The following ADIPOR2 variants were observed in gnomAD, a reference collection of about 807,000 sequenced individuals.
ADIPOR2 encodes adiponectin receptor 2.
Under a neutral mutation model 40.9 loss-of-function variants are expected in ADIPOR2, and 18 were observed. The ratio of observed to expected loss-of-function variants is 0.44; its 90% CI spans 0.30 to 0.65. The LOEUF is 0.65. Among genes scored for constraint, ADIPOR2 ranks in the 30% least tolerant of loss-of-function variants. ADIPOR2 has a pLI of 0.09. For synonymous variants in ADIPOR2, 165 were observed against 166.4 expected, an observed-to-expected ratio of 0.99 and a Z score of 0.06; for missense variants, 283 against 479.2, an observed-to-expected ratio of 0.59 and a Z score of 3.82.
intron 1 of ADIPOR2, among the ~76,000 whole-genome samples, chr12:1,738,969 T>C (rs1001315824): frequency 2.0e-5 from 3 of 152,206 alleles, no homozygotes; most frequent in African/African-American, 7.2e-5. Flanking sequence ...CTTGTGTGAG[T>C]CATTATATTC....
rs570513526 is a variant in ADIPOR2 at position 1,727,858 on chromosome 12, T to TA, written c.-86-26385dup. Among the ~76,000 whole-genome samples, 625 of 138,776 alleles carry TA rather than the reference T, an allele frequency of 4.5e-3. 4 individuals carry two copies. The highest frequency in any genetic ancestry group is 0.012 in the African/African-American group (453 of 37,752). 91.0% of individuals were successfully genotyped at this position (138,776 alleles called of 152,430 possible). On this transcript the variant is annotated intron_variant, in intron 1 of 7. Transcript: ENST00000357103. ...TGCCCGTGCACACAGGAACACTGTTTAAAAAAAAAAAAAAAGGATACTGGT... is the reference window on the plus strand; with the variant it reads ...TGCCCGTGCACACAGGAACACTGTTTAAAAAAAAAAAAAAAAGGATACTGGT...
rs752776070 is a variant in ADIPOR2, at chr12:1,785,997, C to T, written c.1086C>T (p.His362=). ...HIFVVAGAFV[H]FHGVSNLQEF... ...TTGTGGTTGCTGGAGCTTTTGTTCACTTCCATGGTGTCTCAAACCTCCAGG... is the reference window on the plus strand; with the variant it reads ...TTGTGGTTGCTGGAGCTTTTGTTCATTTCCATGGTGTCTCAAACCTCCAGG... Residue 362 remains histidine, a synonymous_variant, in exon 8 of 8, where the codon CAC becomes CAT. Transcript: ENST00000357103. 16 of 1,614,086 alleles carry T rather than the reference C, an allele frequency of 9.9e-6. No individual in the cohort carries two copies. The highest frequency in any genetic ancestry group is 1.6e-4 in the Middle Eastern group (1 of 6,084).
rs1245299990 is a variant in ADIPOR2, at chr12:1,777,550, C to T, written c.292-304C>T. Among the ~76,000 whole-genome samples the T allele has an allele frequency of 2.6e-5, 4 of 151,916 alleles. No homozygotes were observed. The East Asian group carries it at 7.7e-4, about 29-fold the overall frequency. On this transcript the variant is annotated intron_variant, in intron 3 of 7. Transcript: ENST00000357103. ...TACAGGCATGTGCCACCACACCCGG[C>T]TAATTTTTTGTATTTTTAGTAGAGA...
chr12:1,764,570 C>CAG (rs1329771008), intron 2 of ADIPOR2, among the ~76,000 whole-genome samples: 1 of 93,838 alleles, frequency 1.1e-5, no homozygotes, highest in Non-Finnish European at 2.3e-5. Context: ...CACACACACA[C>CAG]ACACACACAC....
intron 2 of ADIPOR2, among the ~76,000 whole-genome samples, chr12:1,770,454 A>G (rs939520040): frequency 1.4e-4 from 22 of 152,198 alleles, no homozygotes; most frequent in Admixed American, 1.0e-3. Flanking sequence ...TATCTGAGCT[A>G]TTTTATATAA....
At chr12:1,778,532 C>T (rs2370055) in intron 4 of ADIPOR2, 40,714 of 151,970 alleles carry the variant, frequency 0.27, 6,152 homozygotes, top group Admixed American at 0.45. Context: ...AGAATGATCC[C>T]GAACTCACAT....
chr12:1,691,851 C>A (rs539372654), intron 1 of ADIPOR2, among the ~76,000 whole-genome samples: 139 of 152,178 alleles, frequency 9.1e-4, no homozygotes, highest in African/African-American at 3.3e-3. Flanking sequence ...CTTTTTTCCT[C>A]CTGGCTTTTG....
intron 3 of ADIPOR2, among the ~76,000 whole-genome samples, chr12:1,777,382 C>CTTTTTTTTT (rs59141974): frequency 2.0e-5 from 2 of 98,744 alleles, no homozygotes; most frequent in Non-Finnish European, 2.1e-5. Flanking sequence ...TTTTTTCTTT[C>CTTTTTTTTT]TTTTTTTTTT....
rs568996296 is a variant in ADIPOR2, at chr12:1,723,812, A to G, written c.-86-30446A>G. On this transcript the variant is annotated intron_variant, in intron 1 of 7. Transcript: ENST00000357103. ...AATAGAATTACCCTGTGATCCAGCA[A>G]TTCTACTTCTGGGTATATACTCAAA... 1.4e-4 allele frequency among the ~76,000 whole-genome samples: 22 copies of G among 152,248 alleles called. No homozygotes were observed. In the South Asian group the frequency reaches 3.9e-3, roughly 27 times the overall value.
intron 1 of ADIPOR2, among the ~76,000 whole-genome samples, chr12:1,751,499 G>A (rs553224734): frequency 6.6e-6 from 1 of 151,996 alleles, no homozygotes; most frequent in Non-Finnish European, 1.5e-5. Flanking sequence ...AACTAATGGA[G>A]CTTTTCAGTT....
rs1204281778 is a variant in ADIPOR2 at position 1,750,879 on chromosome 12, A to C, written c.-86-3379A>C. On this transcript the variant is annotated intron_variant, in intron 1 of 7. Coordinates refer to ENST00000357103, the MANE Select transcript of ADIPOR2 (RefSeq NM_024551.3). ...TAGATAAAAGAGTCATATAATCTGC[A>C]AATAGTTACAGTTTACCTTTTTTTC... is the stretch of plus-strand genomic sequence containing the variant. Among the ~76,000 whole-genome samples, 13 of 152,214 alleles carry C rather than the reference A, an allele frequency of 8.5e-5. 1 individual carries two copies. Among genetic ancestry groups the C allele is most frequent in the Admixed American group, 4.6e-4 (7 of 15,276 alleles).
intron 2 of ADIPOR2, chr12:1,760,718 T>G (rs187949709): frequency 6.6e-6 from 1 of 152,360 alleles, no homozygotes; most frequent in African/African-American, 2.4e-5. Flanking sequence ...CTTTCTTATT[T>G]GTGGTTTCAC....
chr12:1,777,053 A>G (rs1003375716), intron 3 of ADIPOR2, among the ~76,000 whole-genome samples: 1 of 152,140 alleles, frequency 6.6e-6, no homozygotes, highest in Non-Finnish European at 1.5e-5. Flanking sequence ...GCCTCATCAT[A>G]TTTGCATAGT....
At chr12:1,727,461 A>G (rs1475344821) in intron 1 of ADIPOR2, among the ~76,000 whole-genome samples, 1 of 152,174 alleles carries the variant, frequency 6.6e-6, no homozygotes, top group Non-Finnish European at 1.5e-5. Context: ...CACTCATTGC[A>G]TGTATAATTA....
chr12:1,698,668 A>G (rs2094644258), intron 1 of ADIPOR2, among the ~76,000 whole-genome samples: 1 of 152,256 alleles, frequency 6.6e-6, no homozygotes, highest in Non-Finnish European at 1.5e-5. Context: ...TTTAGATTAT[A>G]TAAATGGATT....
intron 1 of ADIPOR2, among the ~76,000 whole-genome samples, chr12:1,714,696 G>A (rs761358662): frequency 1.1e-4 from 16 of 152,136 alleles, no homozygotes; most frequent in South Asian, 2.1e-4. Flanking sequence ...TTGCTGACCA[G>A]TAGGGAATTT....
chr12:1,775,982 G>C (rs1478537193), intron 3 of ADIPOR2, among the ~76,000 whole-genome samples: 2 of 152,100 alleles, frequency 1.3e-5, no homozygotes, highest in African/African-American at 4.8e-5. Flanking sequence ...TTATTTTATT[G>C]TATGTTAGAA....
At chr12:1,723,449 A>AC (rs1196376065) in intron 1 of ADIPOR2, among the ~76,000 whole-genome samples, 1 of 139,582 alleles carries the variant, frequency 7.2e-6, no homozygotes, top group Non-Finnish European at 1.5e-5. Flanking sequence ...ACATAGTGAA[A>AC]CCCCGTCTCT....
intron 1 of ADIPOR2, among the ~76,000 whole-genome samples, chr12:1,718,963 A>G (rs1226401346): frequency 1.3e-5 from 2 of 152,242 alleles, no homozygotes; most frequent in Non-Finnish European, 2.9e-5. Flanking sequence ...ATTTTAAGGA[A>G]ATAAACTGCT....
Sources: gnomAD v4.1 joint callset for allele counts (sites outside exome capture counted in the v4.1 genomes callset) on GRCh38, gnomAD v4.1.1 for gene constraint, MANE v1.5 for transcripts, NCBI Gene and HGNC (gene_info 2026-07-23, HGNC 2026-07-21) for gene names.